The following ANTXR2 variants were observed in gnomAD, a reference collection of about 807,000 sequenced individuals.
The protein encoded by ANTXR2 is anthrax toxin receptor 2.
Under a neutral mutation model 73.7 loss-of-function variants are expected in ANTXR2, and 44 were observed. The observed-to-expected ratio is 0.60, with a 90% confidence interval of 0.47 to 0.77. ANTXR2 has a LOEUF of 0.77. Ranked by LOEUF, ANTXR2 falls within the 30% of genes least tolerant of loss-of-function variation. The pLI is 0.00. For missense variants in ANTXR2, 604 were observed against 592.5 expected, an observed-to-expected ratio of 1.02 and a Z score of -0.20; for synonymous variants, 217 against 205.9, an observed-to-expected ratio of 1.05 and a Z score of -0.46.
intron 7 of ANTXR2, among the ~76,000 whole-genome samples, chr4:80,049,127 A>T (rs1017291859): frequency 1.7e-4 from 4 of 23,684 alleles, no homozygotes; most frequent in African/African-American, 2.9e-4. Flanking sequence ...AGGTATTCTT[A>T]AAAAAAATGT....
chr4:80,004,287 C>G (rs1731199189), intron 12 of ANTXR2, among the ~76,000 whole-genome samples: 1 of 151,706 alleles, frequency 6.6e-6, no homozygotes, highest in African/African-American at 2.4e-5. Context: ...ATGAGTTTGT[C>G]TGAAAACATA....
chr4:80,065,872 TA>T (rs1734472539), intron 3 of ANTXR2, among the ~76,000 whole-genome samples: 1 of 152,214 alleles, frequency 6.6e-6, no homozygotes, highest in African/African-American at 2.4e-5. Context: ...TTTCTTTGCT[TA>T]ACCTTTGCTT....
intron 16 of ANTXR2, among the ~76,000 whole-genome samples, chr4:79,961,390 G>C (rs1245418792): frequency 1.3e-5 from 2 of 151,642 alleles, no homozygotes; most frequent in Non-Finnish European, 2.9e-5. Flanking sequence ...AAAATAATGT[G>C]TTTAGTCCTG....
chr4:79,944,578 T>C (rs1728444243), intron 16 of ANTXR2, among the ~76,000 whole-genome samples: 1 of 151,878 alleles, frequency 6.6e-6, no homozygotes, highest in African/African-American at 2.4e-5. Context: ...AGGTATTTTT[T>C]TCAGCATTCA....
intron 16 of ANTXR2, among the ~76,000 whole-genome samples, chr4:79,915,829 CCT>C (rs71596772): frequency 0.092 from 12,218 of 132,678 alleles, 872 homozygotes; most frequent in African/African-American, 0.2. Flanking sequence ...TGTCTCTCTC[CCT>C]CTCTCTCTCT....
intron 7 of ANTXR2, among the ~76,000 whole-genome samples, chr4:80,044,080 C>A (rs1733405251): frequency 6.6e-6 from 1 of 151,884 alleles, no homozygotes; most frequent in African/African-American, 2.4e-5. Flanking sequence ...CAACGGGCTA[C>A]AAAGAAGTTT....
intron 16 of ANTXR2, among the ~76,000 whole-genome samples, chr4:79,953,217 T>C (rs1728770650): frequency 6.6e-6 from 1 of 152,180 alleles, no homozygotes; most frequent in Non-Finnish European, 1.5e-5. Context: ...TTCACTAACG[T>C]ACCTGAAGAG....
Position 80,008,610 on chromosome 4 carries a change from C to T in ANTXR2, c.952G>A (p.Gly318Arg), listed in dbSNP as rs1011719050. The change falls in exon 12 of 17, where the codon GGG becomes AGG. Residue 318 changes from glycine to arginine, a missense_variant. Physicochemically the swap from Gly to Arg is moderately radical, Grantham distance 125. Coordinates refer to ENST00000403729, the MANE Select transcript of ANTXR2 (RefSeq NM_058172.6). ...AAAATAACAATGATGGCTGCGATCC[C>T]GTTAGACTAAAGTAGGCAAAAAGCA... ...LIVTATECSN[G>R]IAAIIVILVL... 9 of 1,594,876 alleles carry T rather than the reference C, an allele frequency of 5.6e-6. No homozygotes were observed. Among genetic ancestry groups the T allele is most frequent in the African/African-American group, 4.1e-5 (3 of 73,884 alleles).
intron 16 of ANTXR2, among the ~76,000 whole-genome samples, chr4:79,927,061 GTA>G (rs71220390): frequency 0.23 from 32,767 of 144,582 alleles, 4,641 homozygotes; most frequent in East Asian, 0.69. Context: ...GTGTGTGTGT[GTA>G]TATATATATA....
chr4:80,015,879 AGG>A lies in ANTXR2; in HGVS notation c.945+3017_945+3018del, dbSNP rs1731819707. 5.0e-5 allele frequency among the ~76,000 whole-genome samples: 3 copies of A among 59,504 alleles called. No individual in the cohort carries two copies. The East Asian group carries it at 3.1e-3, about 61-fold the overall frequency. 39.0% of individuals were successfully genotyped at this position (59,504 alleles called of 152,430 possible). ...AGGAAAGGAAAGGAAAGGAAAGGAAAGGAAAGGAAAGGAAAGGAAAGGAAAGG... is the reference window on the plus strand; with the variant it reads ...AGGAAAGGAAAGGAAAGGAAAGGAAAAAAGGAAAGGAAAGGAAAGGAAAGG... On this transcript the variant is annotated intron_variant, in intron 11 of 16. Transcript: ENST00000403729.
intron 7 of ANTXR2, among the ~76,000 whole-genome samples, chr4:80,048,473 C>A (rs1733625058): frequency 6.6e-6 from 1 of 151,470 alleles, no homozygotes; most frequent in African/African-American, 2.4e-5. Flanking sequence ...AATTGGTTTC[C>A]AGTTTTGAGT....
Sources: allele counts gnomAD v4.1 joint callset (sites outside exome capture counted in the v4.1 genomes callset), GRCh38; gene constraint gnomAD v4.1.1; transcripts MANE v1.5; gene names NCBI Gene and HGNC (gene_info 2026-07-23, HGNC 2026-07-21).